The following TP63 variants were observed in gnomAD, a reference collection of about 807,000 sequenced individuals.
TP63 encodes the protein tumor protein p63.
In TP63, 17 loss-of-function variants were observed where a neutral mutation model predicts 82.8. That is an observed-to-expected ratio of 0.21 (90% CI 0.14 to 0.31). TP63 has a LOEUF of 0.31. Among genes scored for constraint, TP63 ranks in the 10% least tolerant of loss-of-function variants. The pLI is 1.00. For synonymous variants in TP63, 330 were observed against 321.7 expected (o/e 1.03, Z -0.28); for missense variants, 648 against 895.3 (o/e 0.72, Z 3.52).
chr3:189,869,801 T>G (rs1258023220), intron 9 of TP63, among the ~76,000 whole-genome samples: 2 of 152,068 alleles, frequency 1.3e-5, no homozygotes, highest in Non-Finnish European at 2.9e-5. Context: ...GGACTCACCT[T>G]CTAATGTCAT....
At chr3:189,800,620 G>T (rs912496059) in intron 3 of TP63, among the ~76,000 whole-genome samples, 2 of 152,066 alleles carry the variant, frequency 1.3e-5, no homozygotes, top group Non-Finnish European at 1.5e-5. Context: ...AGCGGGTTCC[G>T]GAGCCAGATT....
Position 189,848,808 on chromosome 3 carries a change from C to T in TP63, c.580-15424C>T, listed in dbSNP as rs779330304. 4.6e-5 allele frequency among the ~76,000 whole-genome samples: 7 copies of T among 152,290 alleles called. 1 individual carries two copies. The Middle Eastern group carries it at 0.01, about 222-fold the overall frequency. ...TGACCCTCTGTGATATCATGAAATA[C>T]GTATTTGGACTTTGTCCAAGTTTCT... On this transcript the variant is annotated intron_variant, in intron 4 of 13. Transcript: ENST00000264731.
At chr3:189,627,592 C>T (rs1729348787), upstream of TP63, among the ~76,000 whole-genome samples, 1 of 152,138 alleles carries the variant, frequency 6.6e-6, no homozygotes, top group Admixed American at 6.6e-5. Flanking sequence ...CCACATGTAA[C>T]TAGTGGCTAC....
chr3:189,819,537 A>T (rs1728569588), intron 4 of TP63, among the ~76,000 whole-genome samples: 1 of 152,022 alleles, frequency 6.6e-6, no homozygotes, highest in African/African-American at 2.4e-5. Flanking sequence ...GAGTGAGAAC[A>T]TGCGGTGTTT....
intron 10 of TP63, chr3:189,880,692 A>AT: frequency 1.0e-6 from 1 of 985,446 alleles, no homozygotes; most frequent in East Asian, 1.1e-4. Flanking sequence ...GTCATGTAAT[A>AT]ATATTGCAAG....
At chr3:189,620,589 C>A in the TP63 span, among the ~76,000 whole-genome samples, 1 of 150,744 alleles carries the variant, frequency 6.6e-6, no homozygotes, top group African/African-American at 2.4e-5. Flanking sequence ...GAAATAGTTT[C>A]AGATTGAAAG....
At chr3:189,701,457 T>C (rs912150104) in intron 1 of TP63, among the ~76,000 whole-genome samples, 1 of 150,914 alleles carries the variant, frequency 6.6e-6, no homozygotes, top group African/African-American at 2.4e-5. Flanking sequence ...AGAAGCCACC[T>C]TTCAGGAAGC....
At chr3:189,779,834 A>G (rs1294558340) in intron 3 of TP63, among the ~76,000 whole-genome samples, 1 of 152,166 alleles carries the variant, frequency 6.6e-6, no homozygotes. Context: ...ACCAGAACAG[A>G]CATCTCCCAA....
chr3:189,703,181 C>T (rs931623818), intron 1 of TP63, among the ~76,000 whole-genome samples: 2 of 152,200 alleles, frequency 1.3e-5, no homozygotes, highest in South Asian at 2.1e-4. Context: ...CGCCTGTAAT[C>T]CCAGCACTTT....
chr3:189,631,613 TA>T lies in TP63; in HGVS notation c.62+38del, dbSNP rs1729462330. ...ATGTGACATAACTTCTCTCAAAACT[TA>T]ATTGAAGTGCCTTGTGTATTATGAA... On this transcript the variant is annotated intron_variant, in intron 1 of 13. Transcript: ENST00000264731. The T allele has an allele frequency of 4.3e-6, 7 of 1,612,108 alleles. No homozygotes were observed. In the Admixed American group the frequency reaches 1.0e-4, roughly 23 times the overall value.
intron 3 of TP63, among the ~76,000 whole-genome samples, chr3:189,753,566 T>A (rs1263114068): frequency 6.6e-6 from 1 of 152,064 alleles, no homozygotes; most frequent in Non-Finnish European, 1.5e-5. Context: ...TCATTACATT[T>A]GAAATGAGTT....
intron 12 of TP63, 29 bp from the exon 13 acceptor site, chr3:189,890,760 C>A (rs1331963602): frequency 6.2e-7 from 1 of 1,605,074 alleles, no homozygotes; most frequent in African/African-American, 1.3e-5. Flanking sequence ...TTTCTGTTTC[C>A]TCCTTCCTCT....
At chr3:189,639,876 A>G (rs1211926516) in intron 1 of TP63, among the ~76,000 whole-genome samples, 1 of 152,138 alleles carries the variant, frequency 6.6e-6, no homozygotes, top group East Asian at 1.9e-4. Context: ...CTTTCTTTTA[A>G]AGTCAAGTAT....
At chr3:189,680,108 GT>G (rs1437548523) in intron 1 of TP63, among the ~76,000 whole-genome samples, 9 of 151,558 alleles carry the variant, frequency 5.9e-5, no homozygotes, top group South Asian at 2.1e-4. Context: ...TTAATTTTAT[GT>G]TTTTTTTCTC....
intron 5 of TP63, among the ~76,000 whole-genome samples, chr3:189,865,541 G>A (rs1717619983): frequency 6.6e-6 from 1 of 152,188 alleles, no homozygotes; most frequent in South Asian, 2.1e-4. Flanking sequence ...TGCCAAAGGT[G>A]TTGGGGGTTA....
At chr3:189,612,520 G>A in the TP63 span, among the ~76,000 whole-genome samples, 1 of 152,150 alleles carries the variant, frequency 6.6e-6, no homozygotes, top group Non-Finnish European at 1.5e-5. Context: ...CCAGTCTTGA[G>A]TATGTCTATC....
chr3:189,730,135 G>A (rs1720056041), intron 1 of TP63, among the ~76,000 whole-genome samples: 1 of 152,230 alleles, frequency 6.6e-6, no homozygotes, highest in Non-Finnish European at 1.5e-5. Context: ...ATAGGTGGAA[G>A]AAGTCATGTT....
chr3:189,868,379 T>G (rs1222202895), intron 7 of TP63, among the ~76,000 whole-genome samples: 1 of 152,190 alleles, frequency 6.6e-6, no homozygotes, highest in Admixed American at 6.5e-5. Context: ...ACAAATGGAA[T>G]GTTATTTACT....
At chr3:189,631,339 A>G, upstream of TP63, 3 of 1,434,588 alleles carry the variant, frequency 2.1e-6, no homozygotes, top group Non-Finnish European at 1.8e-6. Context: ...AAATCAAGAA[A>G]CGCTCCGCCT....
Sources: allele counts gnomAD v4.1 joint callset (sites outside exome capture counted in the v4.1 genomes callset), GRCh38; gene constraint gnomAD v4.1.1; transcripts MANE v1.5; gene names NCBI Gene and HGNC (gene_info 2026-07-23, HGNC 2026-07-21).